Variants in NTM observed in about 807,000 individuals in gnomAD.
NTM encodes the protein neurotrimin, also known as IgLON family member 2.
Under a neutral mutation model 42.1 loss-of-function variants are expected in NTM, and 13 were observed. The ratio of observed to expected loss-of-function variants is 0.31; its 90% CI spans 0.20 to 0.49. NTM has a LOEUF of 0.49. Ranked by LOEUF, NTM falls within the 20% of genes least tolerant of loss-of-function variation. NTM has a pLI of 0.99. For missense variants in NTM, 373 were observed against 452.8 expected (o/e 0.82, Z 1.60); for synonymous variants, 187 against 179.2 (o/e 1.04, Z -0.35).
chr11:132,084,022 C>T (rs979440559), intron 2 of NTM, among the ~76,000 whole-genome samples: 9 of 152,066 alleles, frequency 5.9e-5, no homozygotes, highest in Non-Finnish European at 1.3e-4. Context: ...TTTTCTATTA[C>T]TTCAGTCTAT....
chr11:131,479,942 A>C (rs1435992850), intron 1 of NTM, among the ~76,000 whole-genome samples: 1 of 152,178 alleles, frequency 6.6e-6, no homozygotes, highest in East Asian at 1.9e-4. Context: ...ACAAAATATC[A>C]AAATTTCAAA....
rs547474436 is a variant in NTM at position 131,738,563 on chromosome 11, A to C, written c.83-173001A>C. On this transcript the variant is annotated intron_variant, in intron 1 of 8. Coordinates refer to ENST00000683400, the MANE Select transcript of NTM (RefSeq NM_001352005.2). Reference sequence around the variant, plus strand: ...CTGCATTCAATATTGTGAGTTCTAGAGGAATTTTCAGGGAAACTGTGGCTC... The same window carrying C: ...CTGCATTCAATATTGTGAGTTCTAGCGGAATTTTCAGGGAAACTGTGGCTC... Among the ~76,000 whole-genome samples the C allele has an allele frequency of 3.7e-4, 56 of 152,346 alleles. 1 individual carries two copies. The highest frequency in any genetic ancestry group is 1.2e-3 in the African/African-American group (51 of 41,572).
intron 4 of NTM, among the ~76,000 whole-genome samples, chr11:132,270,756 G>A (rs775082470): frequency 1.8e-4 from 27 of 151,556 alleles, no homozygotes; most frequent in African/African-American, 6.3e-4. Context: ...TGGTTGAGCC[G>A]CTTTACACCA....
chr11:131,866,722 A>T (rs559024803), intron 1 of NTM, among the ~76,000 whole-genome samples: 2 of 152,352 alleles, frequency 1.3e-5, no homozygotes, highest in African/African-American at 4.8e-5. Context: ...AGGTTGGTGG[A>T]TTCATCATTT....
chr11:132,164,453 T>A (rs1675970238), intron 3 of NTM, among the ~76,000 whole-genome samples: 2 of 152,192 alleles, frequency 1.3e-5, no homozygotes, highest in Admixed American at 1.3e-4. Flanking sequence ...AACATCAACT[T>A]TGCGTTTTCA....
chr11:132,026,414 C>T (rs1404241982), intron 2 of NTM, among the ~76,000 whole-genome samples: 2 of 152,248 alleles, frequency 1.3e-5, no homozygotes, highest in East Asian at 1.9e-4. Context: ...ATGAGACATC[C>T]CTGGCTGTCA....
intron 3 of NTM, among the ~76,000 whole-genome samples, chr11:132,151,899 G>C (rs1382032528): frequency 6.6e-6 from 1 of 152,308 alleles, no homozygotes; most frequent in South Asian, 2.1e-4. Flanking sequence ...AATAATGGAA[G>C]TATGGCCACA....
intron 7 of NTM, among the ~76,000 whole-genome samples, chr11:132,318,544 T>C (rs530826784): frequency 3.3e-5 from 5 of 152,298 alleles, no homozygotes; most frequent in Admixed American, 3.3e-4. Context: ...CTTGCCTGTC[T>C]TTGCACATCC....
rs2067708606 is a variant in NTM at position 132,135,463 on chromosome 11, C to T, written c.168-10819C>T. ...GGGATACGGATTTGTGTGGTCATGA[C>T]TTATTAGGGAAGTGGGCCTAGGAGA... On this transcript the variant is annotated intron_variant, in intron 2 of 8. Transcript: ENST00000683400. Among the ~76,000 whole-genome samples, 3 of 152,190 alleles carry T rather than the reference C, an allele frequency of 2.0e-5. No individual in the cohort carries two copies. In the South Asian group the frequency reaches 6.2e-4, roughly 31 times the overall value.
At chr11:131,971,784 G>A (rs1318062793) in intron 2 of NTM, among the ~76,000 whole-genome samples, 4 of 151,856 alleles carry the variant, frequency 2.6e-5, no homozygotes, top group African/African-American at 9.7e-5. Context: ...AGTGGCTCAC[G>A]CCTGTAATCC....
chr11:131,883,987 T>G (rs1184058813), intron 1 of NTM, among the ~76,000 whole-genome samples: 2 of 152,172 alleles, frequency 1.3e-5, no homozygotes, highest in Admixed American at 6.5e-5. Flanking sequence ...ATAATAATAT[T>G]TAATAGTTAC....
intron 7 of NTM, among the ~76,000 whole-genome samples, chr11:132,328,411 A>G (rs879343776): frequency 1.3e-5 from 2 of 152,130 alleles, no homozygotes; most frequent in Non-Finnish European, 2.9e-5. Flanking sequence ...CCATCTTTCA[A>G]GTAGTGTGTG....
At chr11:131,536,265 C>G (rs1054223219) in intron 1 of NTM, 1 of 152,192 alleles carries the variant, frequency 6.6e-6, no homozygotes, top group African/African-American at 2.4e-5. Context: ...TGCTGTCCAG[C>G]CCTGATGGCA....
chr11:131,704,073 C>T (rs555805412), intron 1 of NTM, among the ~76,000 whole-genome samples: 6 of 97,608 alleles, frequency 6.1e-5, no homozygotes, highest in East Asian at 3.1e-4. Flanking sequence ...CCCTTACAAC[C>T]CCCCTGGTTC....
rs1414778593 is a variant in NTM at position 131,598,919 on chromosome 11, C to CCTTCCTTCCTTT, written c.82+228035_82+228036insCTTCCTTTCTTC. ...TCCTTCCTTCCTTCCTTCCTTCCTTCCTTCTTTCCTTTCAGACAGAGTCTC... is the reference window on the plus strand; with the variant it reads ...TCCTTCCTTCCTTCCTTCCTTCCTTCCTTCCTTCCTTTCTTCTTTCCTTTCAGACAGAGTCTC... On this transcript the variant is annotated intron_variant, in intron 1 of 8. Coordinates refer to ENST00000683400, the MANE Select transcript of NTM (RefSeq NM_001352005.2). 3.9e-4 allele frequency among the ~76,000 whole-genome samples: 54 copies of CCTTCCTTCCTTT among 139,866 alleles called. 2 individuals carry two copies. The highest frequency in any genetic ancestry group is 1.4e-3 in the African/African-American group (50 of 36,632). 91.8% of individuals were successfully genotyped at this position (139,866 alleles called of 152,430 possible). A position where few individuals can be genotyped will look rare whatever the true frequency, so the allele number is the denominator to read the frequency against.
At chr11:131,521,383 C>CTTTTGTTTTTT (rs2049669113) in intron 1 of NTM, among the ~76,000 whole-genome samples, 1 of 45,720 alleles carries the variant, frequency 2.2e-5, no homozygotes, top group African/African-American at 8.6e-5. Flanking sequence ...AGGTGCCAGT[C>CTTTTGTTTTTT]TTTTTTTTTT....
intron 3 of NTM, among the ~76,000 whole-genome samples, chr11:132,191,709 G>A (rs1031905118): frequency 5.3e-5 from 8 of 152,106 alleles, no homozygotes; most frequent in African/African-American, 9.7e-5. Context: ...ATAAAATTTC[G>A]GATCTGAGTG....
chr11:132,095,828 A>T (rs2060908671), intron 2 of NTM, among the ~76,000 whole-genome samples: 1 of 152,224 alleles, frequency 6.6e-6, no homozygotes, highest in Non-Finnish European at 1.5e-5. Context: ...TGCCCAGAGC[A>T]GATTTGGCTC....
At chr11:131,598,683 TTTTC>T (rs199821939) in intron 1 of NTM, among the ~76,000 whole-genome samples, 8,249 of 74,250 alleles carry the variant, frequency 0.11, 1,087 homozygotes, top group African/African-American at 0.12. Flanking sequence ...TTCTCATTTG[TTTTC>T]TTTCTTTCTT....
Sources: gnomAD v4.1 joint callset for allele counts (sites outside exome capture counted in the v4.1 genomes callset) on GRCh38, gnomAD v4.1.1 for gene constraint, MANE v1.5 for transcripts, NCBI Gene and HGNC (gene_info 2026-07-23, HGNC 2026-07-21) for gene names.